The following MAP3K4 variants were observed in gnomAD, a reference collection of about 807,000 sequenced individuals.
MAP3K4 encodes mitogen-activated protein kinase kinase kinase 4, also known as MAP three kinase 1.
A neutral mutation model predicts 185.6 loss-of-function variants in MAP3K4; 67 were observed. The ratio of observed to expected loss-of-function variants is 0.36; its 90% CI spans 0.30 to 0.44. The LOEUF (loss-of-function observed/expected upper bound fraction) is 0.44, where lower values mean the gene tolerates loss of function less well. MAP3K4 is among the 20% of genes least tolerant of loss of function. The pLI is 1.00. For synonymous variants in MAP3K4, 702 were observed against 710.4 expected (o/e 0.99, Z 0.19); for missense variants, 1,551 against 1,995.1 (o/e 0.78, Z 4.24).
At position 161,097,018 on chromosome 6, in the gene MAP3K4, G is replaced by A. The variant is rs1314937122; in HGVS notation, c.3428-62G>A. On this transcript the variant is annotated intron_variant, in intron 15 of 26. Coordinates refer to ENST00000392142, the MANE Select transcript of MAP3K4 (RefSeq NM_005922.4). This position sits in a 1 kb window ranked among gnomAD's most constrained non-coding sequence, Gnocchi z 4.9. ...CATTCTATTTTCCATTTGACTGTTT[G>A]GTTTGATGATTTTCTGTGGACCATA... The A allele has an allele frequency of 4.4e-6, 6 of 1,355,978 alleles. No individual in the cohort carries two copies. The East Asian group carries it at 1.1e-4, about 26-fold the overall frequency. 84.0% of individuals were successfully genotyped at this position (1,355,978 alleles called of 1,614,324 possible).
intron 2 of MAP3K4, among the ~76,000 whole-genome samples, chr6:161,038,495 AACAG>A (rs1421695908): frequency 6.6e-6 from 1 of 152,230 alleles, no homozygotes; most frequent in African/African-American, 2.4e-5. Flanking sequence ...TTCTCACTGC[AACAG>A]ACAAAGGATC....
rs1168915727 is a variant in MAP3K4, at chr6:161,117,103, A to G, written c.*233A>G. On this transcript the variant is annotated 3_prime_UTR_variant, in exon 27 of 27. Transcript: ENST00000392142. ...AAGCTGCATGTTAAGTGCCATTACT[A>G]CTGTACACGGACCATCGCCTCTGTC... 8.8e-6 allele frequency: 5 copies of G among 570,304 alleles called. No homozygotes were observed. Among genetic ancestry groups the G allele is most frequent in the South Asian group, 4.5e-5 (2 of 44,798 alleles). The allele number at this position is 570,304 out of a possible 1,614,324, so 35.3% of individuals were successfully genotyped here. A position where few individuals can be genotyped will look rare whatever the true frequency, so the allele number is the denominator to read the frequency against.
At chr6:161,102,096 C>G in intron 18 of MAP3K4, 104 bp downstream of exon 18, 1 of 877,134 alleles carries the variant, frequency 1.1e-6, no homozygotes, top group Non-Finnish European at 1.8e-6. Flanking sequence ...CTTGAAGATT[C>G]CTTTTTTTGG....
chr6:161,037,148 G>A lies in MAP3K4; in HGVS notation c.343+2699G>A, dbSNP rs1234018856. On this transcript the variant is annotated intron_variant, in intron 2 of 26. Transcript: ENST00000392142. The surrounding 1 kb of genome is among the most constrained non-coding windows in gnomAD (Gnocchi z 4.2). ...AGGTGGAAATGGGACGCCAGTGGTA[G>A]ACAAGTGGGCCATTTTAATGTCTTA... is the stretch of plus-strand genomic sequence containing the variant. 2.0e-5 allele frequency among the ~76,000 whole-genome samples: 3 copies of A among 152,186 alleles called. No homozygotes were observed. The highest frequency in any genetic ancestry group is 4.4e-5 in the Non-Finnish European group (3 of 68,028).
rs891887421 is a variant in MAP3K4 at position 161,112,411 on chromosome 6, G to A, written c.4520-257G>A. 2.0e-5 allele frequency among the ~76,000 whole-genome samples: 3 copies of A among 151,992 alleles called. No homozygotes were observed. Among genetic ancestry groups the A allele is most frequent in the Non-Finnish European group, 2.9e-5 (2 of 67,980 alleles). On this transcript the variant is annotated intron_variant, in intron 24 of 26. Coordinates refer to ENST00000392142, the MANE Select transcript of MAP3K4 (RefSeq NM_005922.4). The surrounding 1 kb of genome is among the most constrained non-coding windows in gnomAD (Gnocchi z 5.1). ...ATGAAATTTTGCCTCCTCCTTTGCA[G>A]GTTAAATTTTCTATTTTCATTGTGA...
At chr6:161,018,914 C>T (rs1782239760) in intron 1 of MAP3K4, among the ~76,000 whole-genome samples, 1 of 152,094 alleles carries the variant, frequency 6.6e-6, no homozygotes, top group Non-Finnish European at 1.5e-5. Flanking sequence ...GATAGATATG[C>T]TGGGTGGGAT....
intron 1 of MAP3K4, among the ~76,000 whole-genome samples, chr6:160,995,424 A>T (rs1194980277): frequency 2.0e-5 from 3 of 152,242 alleles, no homozygotes; most frequent in African/African-American, 4.8e-5. Context: ...TCAGGCCTGT[A>T]CATGTTGGCC....
rs776573789 is a variant in MAP3K4, at chr6:161,049,289, A to G, written c.1017A>G (p.Thr339=). The G allele has an allele frequency of 1.9e-6, 3 of 1,614,196 alleles. No individual in the cohort carries two copies. Among genetic ancestry groups the G allele is most frequent in the Middle Eastern group, 1.6e-4 (1 of 6,062 alleles). Residue 339 remains threonine (T), a synonymous_variant, in exon 3 of 27, where the codon ACA becomes ACG. Transcript: ENST00000392142. The surrounding 1 kb of genome is among the most constrained non-coding windows in gnomAD (Gnocchi z 8.4). ...TPGTKIVGYS[T]HHEHLQRQRV... ...GAACAAAGATTGTAGGTTACTCAAC[A>G]CATCATGAGCATCTCCAACGCCAGA...
rs1314464527 is a variant in MAP3K4 at position 161,071,459 on chromosome 6, A to G, written c.1950+609A>G. Among the ~76,000 whole-genome samples, 1 of 152,204 alleles carries G rather than the reference A, an allele frequency of 6.6e-6. No individual in the cohort carries two copies. Among genetic ancestry groups the G allele is most frequent in the African/African-American group, 2.4e-5 (1 of 41,458 alleles). On this transcript the variant is annotated intron_variant, in intron 4 of 26. Transcript: ENST00000392142. This position sits in a 1 kb window ranked among gnomAD's most constrained non-coding sequence, Gnocchi z 4.6. ...TTCACCATATAAAGTAAAAATTTCC[A>G]GACCTTGTCCCCAAAAGAAGAAAGG...
At chr6:161,015,884 A>G (rs1043908167) in intron 1 of MAP3K4, among the ~76,000 whole-genome samples, 1 of 152,138 alleles carries the variant, frequency 6.6e-6, no homozygotes, top group Non-Finnish European at 1.5e-5. Flanking sequence ...TTTCATCATG[A>G]GGTTTGGGCG....
chr6:161,065,648 A>G (rs1373054035), intron 3 of MAP3K4, among the ~76,000 whole-genome samples: 4 of 152,160 alleles, frequency 2.6e-5, no homozygotes, highest in Admixed American at 1.3e-4. Flanking sequence ...GGATTTTAGA[A>G]TATTTGTGGG....
chr6:161,026,403 G>A (rs1419496175), intron 1 of MAP3K4, among the ~76,000 whole-genome samples: 1 of 151,890 alleles, frequency 6.6e-6, no homozygotes, highest in East Asian at 1.9e-4. Flanking sequence ...CCAAAGTGCT[G>A]GGATTACAGG....
Position 161,070,694 on chromosome 6 carries a change from T to C in MAP3K4, c.1794T>C (p.Ala598=). Residue 598 remains alanine, a synonymous_variant, in exon 4 of 27, where the codon GCT becomes GCC. Transcript: ENST00000392142. The surrounding 1 kb of genome is among the most constrained non-coding windows in gnomAD (Gnocchi z 4.5). ...CTTCATCTGAGGAGAAATGCAGTGC[T>C]GTGTCGTGGGAGGAGCTGAAGGCCA... is the stretch of plus-strand genomic sequence containing the variant. ...TPPSSEEKCS[A]VSWEELKAMD... 6.2e-7 allele frequency: 1 copy of C among 1,614,178 alleles called. No homozygotes were observed. The highest frequency in any genetic ancestry group is 8.5e-7 in the Non-Finnish European group (1 of 1,180,034).
intron 3 of MAP3K4, among the ~76,000 whole-genome samples, chr6:161,055,491 A>T (rs1249932432): frequency 6.6e-6 from 1 of 152,216 alleles, no homozygotes; most frequent in Non-Finnish European, 1.5e-5. Context: ...CTTAATATTG[A>T]CTTCTCACTT....
intron 1 of MAP3K4, among the ~76,000 whole-genome samples, chr6:161,011,054 G>GAAC (rs1781822296): frequency 6.6e-6 from 1 of 152,258 alleles, no homozygotes; most frequent in East Asian, 1.9e-4. Flanking sequence ...TAAATGAAGA[G>GAAC]AACAACAGAA....
chr6:161,033,994 CAA>C (rs1337387657), intron 1 of MAP3K4, among the ~76,000 whole-genome samples: 1 of 152,102 alleles, frequency 6.6e-6, no homozygotes, highest in East Asian at 1.9e-4. Flanking sequence ...GCTCTATAAA[CAA>C]GAGAAACAGA....
In MAP3K4 at chr6:161,116,515, G is replaced by A. The variant is rs1778596460; in HGVS notation, c.4807-335G>A. 1.3e-5 allele frequency among the ~76,000 whole-genome samples: 2 copies of A among 152,132 alleles called. No homozygotes were observed. Among genetic ancestry groups the A allele is most frequent in the Non-Finnish European group, 2.9e-5 (2 of 68,032 alleles). Reference sequence around the variant, plus strand: ...ATTGGTAAGTGGGAGTAAGGGGCAAGCAGCAGGATCAGCTATGGAGACATT... The same window carrying A: ...ATTGGTAAGTGGGAGTAAGGGGCAAACAGCAGGATCAGCTATGGAGACATT... On this transcript the variant is annotated intron_variant, in intron 26 of 26. Transcript: ENST00000392142. This position sits in a 1 kb window ranked among gnomAD's most constrained non-coding sequence, Gnocchi z 6.2.
In MAP3K4 at chr6:161,034,364, C is replaced by G. The variant is rs1420037011; in HGVS notation, c.258C>G (p.Pro86=). ...NTENLYGTSP[P]STPRQMKRMS... ...AGAATCTTTATGGTACCTCTCCCCC[C>G]AGCACACCTCGACAGATGAAACGCA... is the stretch of plus-strand genomic sequence containing the variant. The change falls in exon 2 of 27, where the codon CCC becomes CCG. Residue 86 remains proline, a synonymous_variant. Coordinates refer to ENST00000392142, the MANE Select transcript of MAP3K4 (RefSeq NM_005922.4). The surrounding 1 kb of genome is among the most constrained non-coding windows in gnomAD (Gnocchi z 4.4). 3 of 1,613,854 alleles carry G rather than the reference C, an allele frequency of 1.9e-6. No individual in the cohort carries two copies. The highest frequency in any genetic ancestry group is 2.5e-6 in the Non-Finnish European group (3 of 1,179,886).
In MAP3K4 at chr6:161,115,180, C is replaced by G; in HGVS notation, c.4684C>G (p.His1562Asp). The stretch of plus-strand genomic sequence containing the variant: ...AATTATGTATAAAGTGGGGATGGGA[C>G]ATAAGCCACCAATCCCTGAAAGATT... ...FQIMYKVGMG[H>D]KPPIPERLSP... Residue 1562 changes from histidine (H) to aspartate (D), a missense_variant, in exon 26 of 27, where the codon CAT becomes GAT. This residue lies in a region of MAP3K4 where 159 missense variants were observed against 300.5 expected (regional missense o/e 0.53). Transcript: ENST00000392142. The surrounding 1 kb of genome is among the most constrained non-coding windows in gnomAD (Gnocchi z 6.0). 2 of 1,614,088 alleles carry G rather than the reference C, an allele frequency of 1.2e-6. No homozygotes were observed.
Sources: gnomAD v4.1 joint callset for allele counts (sites outside exome capture counted in the v4.1 genomes callset) on GRCh38, gnomAD v4.1.1 for gene constraint, gnomAD v4.1.1 regional missense constraint, Gnocchi (gnomAD v3.1) non-coding constraint, MANE v1.5 for transcripts, NCBI Gene and HGNC (gene_info 2026-07-23, HGNC 2026-07-21) for gene names.